Variants in NEMP2 observed in about 807,000 individuals in gnomAD.
The protein encoded by NEMP2 is UPF0571 transmembrane protein.
Under a neutral mutation model 54.2 loss-of-function variants are expected in NEMP2, and 53 were observed. The observed-to-expected ratio is 0.98, with a 90% CI of 0.78 to 1.23. The LOEUF is 1.23. Ranked by LOEUF, NEMP2 falls within the 50% of genes most tolerant of loss-of-function variation. NEMP2 has a pLI of 0.00. For synonymous variants in NEMP2, 197 were observed against 190.3 expected, an observed-to-expected ratio of 1.04 and a Z score of -0.29; for missense variants, 455 against 511.3, an observed-to-expected ratio of 0.89 and a Z score of 1.06.
the NEMP2 span, among the ~76,000 whole-genome samples, chr2:190,552,993 C>A: frequency 2.0e-5 from 3 of 150,678 alleles, no homozygotes; most frequent in Admixed American, 6.6e-5. Context: ...ACCAAATTTA[C>A]ACAAAACTTT....
downstream of NEMP2, chr2:190,499,907 C>G: frequency 1.3e-6 from 2 of 1,574,324 alleles, no homozygotes; most frequent in Admixed American, 1.8e-5. This position sits in a 1 kb window ranked among gnomAD's most constrained non-coding sequence, Gnocchi z 6.0. Context: ...GAAATGGGCA[C>G]TTCCGGATGA....
At chr2:190,541,039 C>G in the NEMP2 span, among the ~76,000 whole-genome samples, 2 of 151,814 alleles carry the variant, frequency 1.3e-5, no homozygotes, top group Non-Finnish European at 2.9e-5. This position sits in a 1 kb window ranked among gnomAD's most constrained non-coding sequence, Gnocchi z 5.2. Context: ...CTAATGATTC[C>G]TTGTATTTCT....
At chr2:190,426,397 A>G in the NEMP2 span, among the ~76,000 whole-genome samples, 1 of 151,242 alleles carries the variant, frequency 6.6e-6, no homozygotes, top group East Asian at 1.9e-4. This position sits in a 1 kb window ranked among gnomAD's most constrained non-coding sequence, Gnocchi z 4.7. Flanking sequence ...TTTTTCTTCC[A>G]TTTCTTTGCT....
chr2:190,439,996 T>G, the NEMP2 span, among the ~76,000 whole-genome samples: 1 of 152,210 alleles, frequency 6.6e-6, no homozygotes, highest in African/African-American at 2.4e-5. The surrounding 1 kb of genome is among the most constrained non-coding windows in gnomAD (Gnocchi z 5.8). Context: ...AAGTAGTTGG[T>G]GAAGAGAAAT....
the NEMP2 span, among the ~76,000 whole-genome samples, chr2:190,492,320 A>T: frequency 6.6e-6 from 1 of 152,240 alleles, no homozygotes. The surrounding 1 kb of genome is among the most constrained non-coding windows in gnomAD (Gnocchi z 5.2). Flanking sequence ...CATTGCAAAG[A>T]GATCATTGCC....
rs1223325853 is a variant in NEMP2, at chr2:190,520,017, T to C, written c.214-834A>G. On this transcript the variant is annotated intron_variant, in intron 2 of 8. Coordinates refer to ENST00000409150, the MANE Select transcript of NEMP2 (RefSeq NM_001142645.2). The surrounding 1 kb of genome is among the most constrained non-coding windows in gnomAD (Gnocchi z 5.4). Reference sequence around the variant, plus strand: ...AGATATAATTCTATTGCACCCTTAATAGACTAACAGTATAGTAGAAACATA... The same window carrying C: ...AGATATAATTCTATTGCACCCTTAACAGACTAACAGTATAGTAGAAACATA... Among the ~76,000 whole-genome samples the C allele has an allele frequency of 6.6e-6, 1 of 152,218 alleles. No homozygotes were observed. Among genetic ancestry groups the C allele is most frequent in the East Asian group, 1.9e-4 (1 of 5,184 alleles).
At chr2:190,594,943 G>A in the NEMP2 span, among the ~76,000 whole-genome samples, 6 of 152,102 alleles carry the variant, frequency 3.9e-5, no homozygotes, top group Admixed American at 3.9e-4. The surrounding 1 kb of genome is among the most constrained non-coding windows in gnomAD (Gnocchi z 5.6). Context: ...TAACATCTTG[G>A]TAAGTATTTA....
At chr2:190,517,104 A>T (rs977324922) in intron 5 of NEMP2, among the ~76,000 whole-genome samples, 24 of 151,702 alleles carry the variant, frequency 1.6e-4, no homozygotes, top group Admixed American at 2.6e-4. Flanking sequence ...AAAAAAAAAA[A>T]AAAAAAAGAA....
In NEMP2 at chr2:190,520,635, C is replaced by T. The variant is rs1052241432; in HGVS notation, c.214-1452G>A. Among the ~76,000 whole-genome samples the T allele has an allele frequency of 3.3e-5, 5 of 152,170 alleles. No individual in the cohort carries two copies. Among genetic ancestry groups the T allele is most frequent in the Non-Finnish European group, 5.9e-5 (4 of 68,032 alleles). On this transcript the variant is annotated intron_variant, in intron 2 of 8. Transcript: ENST00000409150. This position sits in a 1 kb window ranked among gnomAD's most constrained non-coding sequence, Gnocchi z 5.4. ...GGTATTTCAGTATGTACAATATACA[C>T]ACCAATCCTTCCAGTATCCTGACCT...
chr2:190,621,937 C>T, the NEMP2 span, among the ~76,000 whole-genome samples: 4 of 152,120 alleles, frequency 2.6e-5, no homozygotes, highest in East Asian at 3.9e-4. Context: ...GGTGAAACCC[C>T]GTCTCTACTA....
the NEMP2 span, among the ~76,000 whole-genome samples, chr2:190,479,460 C>T: frequency 6.6e-6 from 1 of 152,164 alleles, no homozygotes; most frequent in Non-Finnish European, 1.5e-5. Context: ...ATATTTATTT[C>T]TCAAGACCTC....
Position 190,514,572 on chromosome 2 carries a change from G to A in NEMP2, c.834C>T (p.Leu278=), listed in dbSNP as rs1690485232. The change falls in exon 7 of 9, where the codon CTC becomes CTT. Residue 278 remains leucine, a synonymous_variant. Transcript: ENST00000409150. The surrounding 1 kb of genome is among the most constrained non-coding windows in gnomAD (Gnocchi z 5.7). The stretch of plus-strand genomic sequence containing the variant: ...CACCAGCATAGACCAGAACCAGGGA[G>A]AGGAGTCGCAGCATCCACATCAGAA... ...RSLLMWMLRL[L]SLVLVYAGVA... 1 of 1,551,646 alleles carries A rather than the reference G, an allele frequency of 6.4e-7. No individual in the cohort carries two copies. Among genetic ancestry groups the A allele is most frequent in the South Asian group, 1.2e-5 (1 of 84,066 alleles).
At chr2:190,470,276 T>G in the NEMP2 span, among the ~76,000 whole-genome samples, 3 of 152,254 alleles carry the variant, frequency 2.0e-5, no homozygotes, top group Admixed American at 6.5e-5. Context: ...CAGTTATTTT[T>G]ATCACATCTG....
chr2:190,519,371 G>A lies in NEMP2; in HGVS notation c.214-188C>T, dbSNP rs898900552. ...CAAGTAGCTGGGACCACAGGCACAT[G>A]CCACCTGCCCAGCTAATTTTTGTAT... is the stretch of plus-strand genomic sequence containing the variant. On this transcript the variant is annotated intron_variant, in intron 2 of 8. Transcript: ENST00000409150. This position sits in a 1 kb window ranked among gnomAD's most constrained non-coding sequence, Gnocchi z 5.4. Among the ~76,000 whole-genome samples, 2 of 152,170 alleles carry A rather than the reference G, an allele frequency of 1.3e-5. No homozygotes were observed. The highest frequency in any genetic ancestry group is 2.9e-5 in the Non-Finnish European group (2 of 68,038).
At chr2:190,647,187 T>G in the NEMP2 span, among the ~76,000 whole-genome samples, 1 of 152,202 alleles carries the variant, frequency 6.6e-6, no homozygotes, top group Non-Finnish European at 1.5e-5. Context: ...TTAAGCAGAC[T>G]TATTCATTTG....
the NEMP2 span, among the ~76,000 whole-genome samples, chr2:190,591,484 C>T: frequency 2.0e-5 from 3 of 151,676 alleles, no homozygotes; most frequent in South Asian, 2.1e-4. The surrounding 1 kb of genome is among the most constrained non-coding windows in gnomAD (Gnocchi z 5.4). Flanking sequence ...CGTGTGTGTG[C>T]GTGTGTGTGT....
chr2:190,427,069 G>A, the NEMP2 span, among the ~76,000 whole-genome samples: 1 of 152,294 alleles, frequency 6.6e-6, no homozygotes, highest in East Asian at 1.9e-4. Flanking sequence ...AGTGAGGGGT[G>A]GACCTCCTTA....
At chr2:190,431,758 A>G in the NEMP2 span, among the ~76,000 whole-genome samples, 2 of 152,112 alleles carry the variant, frequency 1.3e-5, no homozygotes, top group South Asian at 2.1e-4. This position sits in a 1 kb window ranked among gnomAD's most constrained non-coding sequence, Gnocchi z 4.4. Context: ...GAGCATGAGC[A>G]TCTTGTTCTT....
chr2:190,592,705 T>C, the NEMP2 span, among the ~76,000 whole-genome samples: 6 of 152,284 alleles, frequency 3.9e-5, no homozygotes, highest in South Asian at 1.2e-3. The surrounding 1 kb of genome is among the most constrained non-coding windows in gnomAD (Gnocchi z 4.4). Context: ...GGCTCTTTTT[T>C]GTTAGAAAGG....
Sources: allele counts gnomAD v4.1 joint callset (sites outside exome capture counted in the v4.1 genomes callset), GRCh38; gene constraint gnomAD v4.1.1; non-coding constraint Gnocchi (gnomAD v3.1); transcripts MANE v1.5; gene names NCBI Gene and HGNC (gene_info 2026-07-23, HGNC 2026-07-21).